ADH1B: variants seen among roughly 807,000 people sequenced by gnomAD.
The protein encoded by ADH1B is all-trans-retinol dehydrogenase [NAD(+)] ADH1B.
ADH1B carries 29 observed loss-of-function variants against 34.6 expected under a neutral mutation model. The ratio of observed to expected loss-of-function variants is 0.84; its 90% confidence interval spans 0.62 to 1.14. ADH1B has a LOEUF of 1.14. Among genes scored for constraint, ADH1B ranks in the 50% most tolerant of loss-of-function variants. The pLI is 0.00. For missense variants in ADH1B, 424 were observed against 468.4 expected (o/e 0.91, Z 0.87); for synonymous variants, 170 against 175.5 (o/e 0.97, Z 0.25).
intron 2 of ADH1B, 63 bp downstream of exon 2, chr4:99,318,722 C>T: frequency 2.0e-6 from 3 of 1,483,044 alleles, no homozygotes; most frequent in Non-Finnish European, 2.8e-6. Context: ...TGGATGTTTC[C>T]ATTTTTAATG....
chr4:99,312,909 G>A (rs1429673319), intron 6 of ADH1B, among the ~76,000 whole-genome samples: 1 of 152,086 alleles, frequency 6.6e-6, no homozygotes, highest in East Asian at 1.9e-4. Context: ...TATGACAGGC[G>A]GCACTGTGCT....
chr4:99,315,363 A>G (rs1733855265), intron 5 of ADH1B: 1 of 169,746 alleles, frequency 5.9e-6, no homozygotes, highest in African/African-American at 2.4e-5. Flanking sequence ...AAATCCCATA[A>G]TGAGTGAATT....
At position 99,307,817 on chromosome 4, in the gene ADH1B, CA is replaced by C. The variant is rs1396015786; in HGVS notation, c.*22del. On this transcript the variant is annotated 3_prime_UTR_variant, in exon 9 of 9. Coordinates refer to ENST00000305046, the MANE Select transcript of ADH1B (RefSeq NM_000668.6). Reference sequence around the variant, plus strand: ...GGGTAGAGGAGGCTGAAGACTGCTACAGGGGAAGGCATCTCTATTGCCTCAA... The same window carrying C: ...GGGTAGAGGAGGCTGAAGACTGCTACGGGGAAGGCATCTCTATTGCCTCAA... 3.1e-6 allele frequency: 5 copies of C among 1,613,350 alleles called. No homozygotes were observed. Among genetic ancestry groups the C allele is most frequent in the East Asian group, 2.2e-5 (1 of 44,856 alleles).
At chr4:99,308,125 A>T (rs1274267614) in intron 8 of ADH1B, among the ~76,000 whole-genome samples, 1 of 152,078 alleles carries the variant, frequency 6.6e-6, no homozygotes, top group African/African-American at 2.4e-5. Context: ...TTAATTCTAC[A>T]TTAGCATCTT....
At position 99,307,665 on chromosome 4, in the gene ADH1B, A is replaced by AAC. The variant is rs1733644990; in HGVS notation, c.*174_*175insGT. On this transcript the variant is annotated 3_prime_UTR_variant, in exon 9 of 9. Transcript: ENST00000305046. ...TTATTTACTTCTCACTTGAATTTTA[A>AAC]ATTTTCCTGAAAAATAATTTCCCAT... 1 of 833,250 alleles carries AAC rather than the reference A, an allele frequency of 1.2e-6. No individual in the cohort carries two copies. The highest frequency in any genetic ancestry group is 1.9e-6 in the Non-Finnish European group (1 of 526,182). The allele number at this position is 833,250 out of a possible 1,614,324, so 51.6% of individuals were successfully genotyped here.
chr4:99,311,445 T>C (rs1733751499), intron 7 of ADH1B, 76 bp downstream of exon 7: 1 of 1,490,212 alleles, frequency 6.7e-7, no homozygotes, highest in Non-Finnish European at 9.1e-7. Flanking sequence ...AAAGGGCATA[T>C]ATATTGAGAT....
At position 99,307,447 on chromosome 4, in the gene ADH1B, A is replaced by G. The variant is rs1733636569; in HGVS notation, c.*393T>C. Reference sequence around the variant, plus strand: ...GACAGAGTTAGAAGACTTCAATCACAATGGCCCAGCATGTGTATGTTCAGG... The same window carrying G: ...GACAGAGTTAGAAGACTTCAATCACGATGGCCCAGCATGTGTATGTTCAGG... On this transcript the variant is annotated 3_prime_UTR_variant, in exon 9 of 9. Transcript: ENST00000305046. 2 of 248,000 alleles carry G rather than the reference A, an allele frequency of 8.1e-6. No individual in the cohort carries two copies. The highest frequency in any genetic ancestry group is 1.6e-5 in the Non-Finnish European group (2 of 128,794). The allele number at this position is 248,000 out of a possible 1,614,324, so 15.4% of individuals were successfully genotyped here.
chr4:99,309,484 A>C (rs562506301), intron 8 of ADH1B, among the ~76,000 whole-genome samples: 4 of 152,258 alleles, frequency 2.6e-5, no homozygotes, highest in Admixed American at 2.6e-4. Flanking sequence ...GGCATGCTTC[A>C]TGACTTCTTA....
chr4:99,318,249 C>T, intron 2 of ADH1B, 65 bp from the exon 3 acceptor site: 1 of 1,586,692 alleles, frequency 6.3e-7, no homozygotes, highest in East Asian at 2.2e-5. Context: ...TTAACATACC[C>T]AAATTCCTGA....
rs768697532 is a variant in ADH1B, at chr4:99,311,611, T to C, written c.874A>G (p.Ile292Val). 6 of 1,614,056 alleles carry C rather than the reference T, an allele frequency of 3.7e-6. No homozygotes were observed. In the East Asian group the frequency reaches 1.3e-4, roughly 36 times the overall value. ...CCHEACGTSV[I>V]VGVPPASQNL... The stretch of plus-strand genomic sequence containing the variant: ...TGGGAAGCAGGAGGTACCCCTACGA[T>C]GACGCTTGTGCCACATGCCTCATGA... The change falls in exon 7 of 9, where the codon ATC (isoleucine) becomes GTC (valine). Residue 292 changes from isoleucine (I) to valine (V), a missense_variant. Around this residue, in one of 3 missense-constraint regions of ADH1B, gnomAD observed 130 missense variants for 151.8 expected, o/e 0.86. Transcript: ENST00000305046.
intron 5 of ADH1B, 151 bp downstream of exon 5, chr4:99,315,747 T>C: frequency 2.3e-6 from 2 of 860,696 alleles, no homozygotes; most frequent in South Asian, 3.5e-5. Flanking sequence ...ATTTCTAGCA[T>C]GTGTACTCAA....
chr4:99,316,490 C>T (rs1250335137), intron 3 of ADH1B, 188 bp from the exon 4 acceptor site: 1 of 685,138 alleles, frequency 1.5e-6, no homozygotes, highest in East Asian at 2.8e-5. Context: ...TTTATAAGTG[C>T]CTGAGGATTC....
chr4:99,313,011 CTTTTCTTTT>C (rs1733789700), intron 6 of ADH1B, among the ~76,000 whole-genome samples: 1 of 151,344 alleles, frequency 6.6e-6, no homozygotes, highest in Admixed American at 6.6e-5. Context: ...AGTCTGTTGA[CTTTTCTTTT>C]TTTTCTTTTT....
Position 99,318,177 on chromosome 4 carries a change from G to T in ADH1B, c.128C>A (p.Ala43Asp), listed in dbSNP as rs1733936570. ...GTCATCTGTGTGACAGATTCCTACA[G>T]CCACCATCTACAGAATAAAGAGAAG... ...KAYEVRIKMV[A>D]VGICHTDDHV... is the part of the protein sequence containing the mutation. Residue 43 changes from alanine to aspartate, a missense_variant, in exon 3 of 9, where the codon GCT (alanine) becomes GAT (aspartate). Ala to Asp is a moderately radical substitution (Grantham distance 126). Transcript: ENST00000305046. The T allele has an allele frequency of 1.2e-6, 2 of 1,614,064 alleles. No individual in the cohort carries two copies. Among genetic ancestry groups the T allele is most frequent in the East Asian group, 2.2e-5 (1 of 44,882 alleles).
chr4:99,319,470 G>A (rs1357555796), intron 1 of ADH1B: 1 of 159,680 alleles, frequency 6.3e-6, no homozygotes, highest in Non-Finnish European at 1.4e-5. Flanking sequence ...TTGAAACTTA[G>A]CTTTGGCAGC....
At chr4:99,308,321 C>T (rs971335333) in intron 8 of ADH1B, among the ~76,000 whole-genome samples, 2 of 150,260 alleles carry the variant, frequency 1.3e-5, no homozygotes, top group Non-Finnish European at 3.0e-5. Context: ...ATTATAAAAA[C>T]TGAGACTTAG....
rs1733920996 is a variant in ADH1B, at chr4:99,317,720, C to T, written c.259+326G>A. On this transcript the variant is annotated intron_variant, in intron 3 of 8. Transcript: ENST00000305046. ...CTGACAGAAGACAGTGTTCAGCCAA[C>T]ACTAACACAGAATTACTGGACTATG... 1.4e-5 allele frequency: 4 copies of T among 286,156 alleles called. No homozygotes were observed. In the South Asian group the frequency reaches 3.3e-4, roughly 24 times the overall value. 17.7% of individuals were successfully genotyped at this position (286,156 alleles called of 1,614,324 possible). A position where few individuals can be genotyped will look rare whatever the true frequency, so the allele number is the denominator to read the frequency against.
rs1442109099 is a variant in ADH1B at position 99,314,026 on chromosome 4, G to C, written c.623C>G (p.Ala208Gly). The change falls in exon 6 of 9, where the codon GCT (alanine) becomes GGT (glycine). Residue 208 changes from alanine (A) to glycine (G), a missense_variant. By Grantham distance (60) the Ala-to-Gly change is moderately conservative. Around this residue, in one of 3 missense-constraint regions of ADH1B, gnomAD observed 291 missense variants for 300.4 expected, o/e 0.97. Coordinates refer to ENST00000305046, the MANE Select transcript of ADH1B (RefSeq NM_000668.6). ...VFGLGGVGLS[A>G]VMGCKAAGAA... ...TCCAGCTGCTTTACAGCCCATAACA[G>C]CAGATAGGCCGACCCCTCCCAGGCC... The C allele has an allele frequency of 6.2e-7, 1 of 1,614,216 alleles. No homozygotes were observed. The highest frequency in any genetic ancestry group is 8.5e-7 in the Non-Finnish European group (1 of 1,180,038).
At chr4:99,316,753 A>G (rs1733895426) in intron 3 of ADH1B, 2 of 152,340 alleles carry the variant, frequency 1.3e-5, no homozygotes, top group African/African-American at 4.8e-5. Context: ...TTGATTTACA[A>G]TAAATATGAG....
Sources: allele counts gnomAD v4.1 joint callset (sites outside exome capture counted in the v4.1 genomes callset), GRCh38; gene constraint gnomAD v4.1.1; regional missense constraint gnomAD v4.1.1; transcripts MANE v1.5; gene names NCBI Gene and HGNC (gene_info 2026-07-23, HGNC 2026-07-21).